Variants in MYO1D observed in about 807,000 individuals in gnomAD.
MYO1D encodes myosin ID, also known as unconventional myosin-Id.
In MYO1D, 83 loss-of-function variants were observed where a neutral mutation model predicts 122.0. That is an observed-to-expected ratio of 0.68 (90% CI 0.57 to 0.82). The LOEUF (loss-of-function observed/expected upper bound fraction) is 0.82. MYO1D is among the 40% of genes least tolerant of loss of function. The pLI is 0.00. For synonymous variants in MYO1D, 464 were observed against 446.9 expected (o/e 1.04, Z -0.48); for missense variants, 1,157 against 1,269.5 (o/e 0.91, Z 1.35).
intron 14 of MYO1D, among the ~76,000 whole-genome samples, chr17:32,735,647 T>C (rs2089693035): frequency 6.6e-6 from 1 of 152,164 alleles, no homozygotes; most frequent in African/African-American, 2.4e-5. Context: ...TGGTTTAAAA[T>C]CTCCCACTAT....
chr17:32,517,465 T>C (rs540489101), intron 21 of MYO1D, among the ~76,000 whole-genome samples: 88 of 152,292 alleles, frequency 5.8e-4, no homozygotes, highest in South Asian at 8.3e-4. Flanking sequence ...TGGGAGCCCA[T>C]AGAGCAAAGA....
At position 32,713,576 on chromosome 17, in the gene MYO1D, A is replaced by G. The variant is rs987699579; in HGVS notation, c.1914-1381T>C. Among the ~76,000 whole-genome samples the G allele has an allele frequency of 2.6e-5, 4 of 152,214 alleles. No homozygotes were observed. The East Asian group carries it at 5.8e-4, about 22-fold the overall frequency. On this transcript the variant is annotated intron_variant, in intron 15 of 21. Coordinates refer to ENST00000318217, the MANE Select transcript of MYO1D (RefSeq NM_015194.3). ...AAAAACCAGAATTCAGTGAATAAAC[A>G]ATTTTTAAAGACCCAAAGCACCCTT...
intron 21 of MYO1D, among the ~76,000 whole-genome samples, chr17:32,595,016 C>A (rs1051734017): frequency 3.9e-5 from 6 of 152,172 alleles, no homozygotes; most frequent in African/African-American, 1.4e-4. Context: ...CAGCCCACAG[C>A]CCTTTTAGTT....
intron 20 of MYO1D, among the ~76,000 whole-genome samples, chr17:32,605,751 T>A (rs562871188): frequency 6.6e-6 from 1 of 152,128 alleles, no homozygotes; most frequent in East Asian, 1.9e-4. Context: ...TTTGGACCAA[T>A]TCTATACAAA....
chr17:32,854,579 A>C (rs971343511), intron 1 of MYO1D, among the ~76,000 whole-genome samples: 1 of 152,268 alleles, frequency 6.6e-6, no homozygotes, highest in Non-Finnish European at 1.5e-5. Flanking sequence ...CAGTGGTGAC[A>C]GATTTAATTT....
intron 16 of MYO1D, among the ~76,000 whole-genome samples, chr17:32,662,405 G>A (rs1353339191): frequency 6.6e-6 from 1 of 152,216 alleles, no homozygotes; most frequent in African/African-American, 2.4e-5. Context: ...GGACGCGGTG[G>A]CTCACGCCTG....
chr17:32,657,850 C>T (rs901995469), intron 17 of MYO1D, among the ~76,000 whole-genome samples: 1 of 152,172 alleles, frequency 6.6e-6, no homozygotes, highest in Non-Finnish European at 1.5e-5. Context: ...GGCTGTAGTG[C>T]AATCTAATCA....
chr17:32,528,106 G>A (rs1300061552), intron 21 of MYO1D, among the ~76,000 whole-genome samples: 1 of 152,172 alleles, frequency 6.6e-6, no homozygotes, highest in African/African-American at 2.4e-5. Flanking sequence ...CAAAGTGCTG[G>A]GATTACAGGC....
At chr17:32,844,317 T>C (rs896502910) in intron 1 of MYO1D, among the ~76,000 whole-genome samples, 11 of 146,998 alleles carry the variant, frequency 7.5e-5, no homozygotes, top group African/African-American at 2.7e-4. Flanking sequence ...TGCATATGTA[T>C]ATATTATATA....
chr17:32,654,158 G>A (rs1279184504), intron 18 of MYO1D, among the ~76,000 whole-genome samples: 1 of 152,196 alleles, frequency 6.6e-6, no homozygotes, highest in Non-Finnish European at 1.5e-5. Context: ...AGAGGATAAA[G>A]TGTAGCTCTG....
intron 16 of MYO1D, among the ~76,000 whole-genome samples, chr17:32,679,459 G>C (rs994925841): frequency 3.3e-5 from 5 of 152,054 alleles, no homozygotes; most frequent in African/African-American, 1.2e-4. Context: ...AAGGGATCCA[G>C]TTTCAGCTTC....
Position 32,760,630 on chromosome 17 carries a change from G to A in MYO1D, c.1036-3C>T. 6.3e-7 allele frequency: 1 copy of A among 1,597,554 alleles called. No homozygotes were observed. Among genetic ancestry groups the A allele is most frequent in the Middle Eastern group, 1.8e-4 (1 of 5,602 alleles). On this transcript the variant is annotated splice_polypyrimidine_tract_variant and splice_region_variant and intron_variant, in intron 8 of 21. Coordinates refer to ENST00000318217, the MANE Select transcript of MYO1D (RefSeq NM_015194.3). ...CAAAAAAGGCGCTCATATATTGCCT[G>A]CAAGGAAAATAGCATCATAAATGCT...
chr17:32,616,377 A>T (rs1161520064), intron 20 of MYO1D, among the ~76,000 whole-genome samples: 1 of 152,098 alleles, frequency 6.6e-6, no homozygotes, highest in Non-Finnish European at 1.5e-5. Context: ...CAGTGGTGCA[A>T]TGATGGCTCA....
At chr17:32,848,149 A>G (rs938630980) in intron 1 of MYO1D, among the ~76,000 whole-genome samples, 3 of 152,250 alleles carry the variant, frequency 2.0e-5, no homozygotes, top group Non-Finnish European at 4.4e-5. Context: ...GAGATTTAAG[A>G]TATGACTCCT....
chr17:32,636,796 T>C (rs1365698887), intron 20 of MYO1D, among the ~76,000 whole-genome samples: 1 of 152,236 alleles, frequency 6.6e-6, no homozygotes, highest in Non-Finnish European at 1.5e-5. Context: ...GCCTAGGCAC[T>C]TCCAGCCCTC....
At chr17:32,648,365 C>T (rs954127540) in intron 19 of MYO1D, among the ~76,000 whole-genome samples, 1 of 152,160 alleles carries the variant, frequency 6.6e-6, no homozygotes, top group Admixed American at 6.5e-5. Context: ...GCTCCCAAAA[C>T]TCTTGTGATT....
intron 21 of MYO1D, among the ~76,000 whole-genome samples, chr17:32,578,430 GA>G (rs2087298777): frequency 6.6e-6 from 1 of 152,212 alleles, no homozygotes. Flanking sequence ...GCTCATCTGG[GA>G]ATCAGCACTA....
chr17:32,847,139 A>T (rs2090945669), intron 1 of MYO1D, among the ~76,000 whole-genome samples: 2 of 152,240 alleles, frequency 1.3e-5, no homozygotes, highest in Admixed American at 6.5e-5. Flanking sequence ...CATGTAGCCC[A>T]TGAGTCTTTT....
intron 19 of MYO1D, among the ~76,000 whole-genome samples, chr17:32,646,023 T>C (rs1035674638): frequency 3.3e-5 from 5 of 152,150 alleles, no homozygotes; most frequent in African/African-American, 7.2e-5. Context: ...TTTTTCCCGA[T>C]CTTTGTGGTT....
Sources: allele counts gnomAD v4.1 joint callset (sites outside exome capture counted in the v4.1 genomes callset), GRCh38; gene constraint gnomAD v4.1.1; transcripts MANE v1.5; gene names NCBI Gene and HGNC (gene_info 2026-07-23, HGNC 2026-07-21).